SLC5A12: variants seen among roughly 807,000 people sequenced by gnomAD.
SLC5A12 encodes the protein solute carrier family 5 member 12, also known as sodium-coupled monocarboxylate transporter 2.
SLC5A12 carries 46 observed loss-of-function variants against 72.7 expected under a neutral mutation model. The observed-to-expected ratio is 0.63, with a 90% confidence interval of 0.50 to 0.81. The LOEUF (loss-of-function observed/expected upper bound fraction) is 0.81. Ranked by LOEUF, SLC5A12 falls within the 30% of genes least tolerant of loss-of-function variation. The pLI is 0.00. For missense variants in SLC5A12, 683 were observed against 740.7 expected, an observed-to-expected ratio of 0.92 and a Z score of 0.90; for synonymous variants, 275 against 264.4, an observed-to-expected ratio of 1.04 and a Z score of -0.39.
Position 26,711,711 on chromosome 11 carries a change from G to A in SLC5A12, c.406-353C>T, listed in dbSNP as rs563794675. 1.2e-4 allele frequency among the ~76,000 whole-genome samples: 18 copies of A among 152,048 alleles called. No homozygotes were observed. In the South Asian group the frequency reaches 3.7e-3, roughly 32 times the overall value. On this transcript the variant is annotated intron_variant, in intron 2 of 14. Transcript: ENST00000396005. ...CACGCGTCACAGTGAACTCTCTACC[G>A]ACTTCATGAGGAGCTTTACTAAGCA...
rs1275297905 is a variant in SLC5A12, at chr11:26,698,516, G to A, written c.841C>T (p.Leu281=). 6.2e-7 allele frequency: 1 copy of A among 1,613,954 alleles called. No individual in the cohort carries two copies. Among genetic ancestry groups the A allele is most frequent in the Non-Finnish European group, 8.5e-7 (1 of 1,179,930 alleles). The change falls in exon 7 of 15, where the codon CTG becomes TTG. Residue 281 remains leucine, a synonymous_variant. Coordinates refer to ENST00000396005, the MANE Select transcript of SLC5A12 (RefSeq NM_178498.4). ...HAKLALYFNL[L]GLWIILVCAV... is the part of the protein sequence containing the mutation. ...CACACCAGAATGATCCAGAGACCCAGCAAGTTAAAATACAAGGCACTAGAA... is the reference window on the plus strand; with the variant it reads ...CACACCAGAATGATCCAGAGACCCAACAAGTTAAAATACAAGGCACTAGAA...
chr11:26,696,362 G>A (rs1303707043), intron 8 of SLC5A12, among the ~76,000 whole-genome samples: 1 of 152,210 alleles, frequency 6.6e-6, no homozygotes, highest in Non-Finnish European at 1.5e-5. Context: ...GGGAATGGAA[G>A]TTATTAGCTG....
At chr11:26,713,270 C>T (rs145780279) in intron 1 of SLC5A12, among the ~76,000 whole-genome samples, 12 of 152,208 alleles carry the variant, frequency 7.9e-5, no homozygotes, top group African/African-American at 2.2e-4. Context: ...CTTCCATTGT[C>T]GGATCCACGC....
chr11:26,698,305 G>A (rs1854875030), intron 7 of SLC5A12, 101 bp downstream of exon 7: 21 of 1,433,422 alleles, frequency 1.5e-5, no homozygotes, highest in Non-Finnish European at 2.0e-5. Flanking sequence ...GAGAAATAGT[G>A]AGCAGTCCAG....
At position 26,678,818 on chromosome 11, in the gene SLC5A12, G is replaced by A. The variant is rs1291126848; in HGVS notation, c.1476-3C>T. The A allele has an allele frequency of 6.2e-7, 1 of 1,600,032 alleles. No individual in the cohort carries two copies. The highest frequency in any genetic ancestry group is 2.2e-5 in the East Asian group (1 of 44,736). The stretch of plus-strand genomic sequence containing the variant: ...ACCAGGTATCAGCTATTCCAGGTCT[G>A]TGGAGAACAGCACATGTCACCAATT... On this transcript the variant is annotated splice_region_variant and splice_polypyrimidine_tract_variant and intron_variant, in intron 12 of 14. Coordinates refer to ENST00000396005, the MANE Select transcript of SLC5A12 (RefSeq NM_178498.4).
At position 26,669,298 on chromosome 11, in the gene SLC5A12, A is replaced by G. The variant is rs146227021; in HGVS notation, c.*1804T>C. The G allele has an allele frequency of 2.5e-4, 37 of 149,082 alleles. No individual in the cohort carries two copies. In the East Asian group the frequency reaches 7.5e-3, roughly 30 times the overall value. 9.2% of individuals were successfully genotyped at this position (149,082 alleles called of 1,614,324 possible). A position where few individuals can be genotyped will look rare whatever the true frequency, so the allele number is the denominator to read the frequency against. On this transcript the variant is annotated 3_prime_UTR_variant, in exon 15 of 15. Coordinates refer to ENST00000396005, the MANE Select transcript of SLC5A12 (RefSeq NM_178498.4). ...CTAACTAGTTTTGGCTCAGATTTCA[A>G]TATTCACAAAATATATATTCTAATT... is the stretch of plus-strand genomic sequence containing the variant.
intron 1 of SLC5A12, among the ~76,000 whole-genome samples, chr11:26,717,117 T>C (rs1855368237): frequency 1.3e-5 from 2 of 152,078 alleles, no homozygotes; most frequent in African/African-American, 4.8e-5. Flanking sequence ...AAAATATAAA[T>C]ATAATTACTA....
At chr11:26,702,933 T>G (rs1163261554) in intron 6 of SLC5A12, among the ~76,000 whole-genome samples, 2 of 152,142 alleles carry the variant, frequency 1.3e-5, no homozygotes, top group African/African-American at 4.8e-5. Flanking sequence ...CTAAGAAATT[T>G]CCAATCGGAT....
rs770843090 is a variant in SLC5A12 at position 26,692,574 on chromosome 11, C to G, written c.1068G>C (p.Leu356Phe). The stretch of plus-strand genomic sequence containing the variant: ...CAAAATCCTCAAAGGTCACTGTTGC[C>G]AAGGCATTGATGCTGGAAGCCACGG... The part of the protein sequence containing the change: ...LSTVASSINA[L>F]ATVTFEDFVK... Residue 356 changes from leucine to phenylalanine, a missense_variant, in exon 9 of 15, where the codon TTG becomes TTC. By Grantham distance (22) the Leu-to-Phe change is conservative (BLOSUM62 0). Transcript: ENST00000396005. The G allele has an allele frequency of 6.2e-7, 1 of 1,613,916 alleles. No homozygotes were observed. Among genetic ancestry groups the G allele is most frequent in the South Asian group, 1.1e-5 (1 of 91,078 alleles).
chr11:26,720,539 T>C (rs1855454936), intron 1 of SLC5A12, among the ~76,000 whole-genome samples: 1 of 151,978 alleles, frequency 6.6e-6, no homozygotes, highest in African/African-American at 2.4e-5. Flanking sequence ...GCTAGAATAA[T>C]GTTTTATACT....
At position 26,683,958 on chromosome 11, in the gene SLC5A12, T is replaced by C; in HGVS notation, c.1222-115A>G. ...TTGGGTCCTAGTCCTGACTGTGCCA[T>C]TTGTTAATTATGTGCTTTCTATAAG... On this transcript the variant is annotated intron_variant, in intron 10 of 14. Coordinates refer to ENST00000396005, the MANE Select transcript of SLC5A12 (RefSeq NM_178498.4). The C allele has an allele frequency of 4.1e-6, 3 of 723,696 alleles. No individual in the cohort carries two copies. The South Asian group carries it at 5.0e-5, about 12-fold the overall frequency. The allele number at this position is 723,696 out of a possible 1,614,324, so 44.8% of individuals were successfully genotyped here.
intron 14 of SLC5A12, among the ~76,000 whole-genome samples, chr11:26,671,489 G>A (rs150428575): frequency 5.4e-4 from 82 of 152,126 alleles, no homozygotes; most frequent in Middle Eastern, 3.4e-3. Flanking sequence ...AGTATGTCTC[G>A]TGTTGCATGA....
Position 26,667,453 on chromosome 11 carries a change from G to T in SLC5A12, c.*3649C>A, listed in dbSNP as rs1854021613. The T allele has an allele frequency of 6.6e-6, 1 of 151,810 alleles. No homozygotes were observed. The highest frequency in any genetic ancestry group is 3.2e-3 in the Middle Eastern group (1 of 316). The allele number at this position is 151,810 out of a possible 1,614,324, so 9.4% of individuals were successfully genotyped here. Reference sequence around the variant, plus strand: ...TTTTTGTTTCTCTTTAGAATGAAATGGTGTAACCCTATAAAGCCACAAAAT... The same window carrying T: ...TTTTTGTTTCTCTTTAGAATGAAATTGTGTAACCCTATAAAGCCACAAAAT... On this transcript the variant is annotated 3_prime_UTR_variant, in exon 15 of 15. Transcript: ENST00000396005.
At position 26,669,187 on chromosome 11, in the gene SLC5A12, T is replaced by TCTTTCTTTCTTTCTTTC. The variant is rs1854073298; in HGVS notation, c.*1914_*1915insGAAAGAAAGAAAGAAAG. ...TGTCTTTTTCTTTCTTTCTTTCTTC[T>TCTTTCTTTCTTTCTTTC]TTTCTTTCTTTCTTTCTTTCTTTCT... On this transcript the variant is annotated 3_prime_UTR_variant, in exon 15 of 15. Coordinates refer to ENST00000396005, the MANE Select transcript of SLC5A12 (RefSeq NM_178498.4). 1.6e-4 allele frequency: 18 copies of TCTTTCTTTCTTTCTTTC among 110,942 alleles called. 1 individual carries two copies. In the Admixed American group the frequency reaches 1.7e-3, roughly 10 times the overall value. The allele number at this position is 110,942 out of a possible 1,614,324, so 6.9% of individuals were successfully genotyped here.
chr11:26,688,345 A>G (rs900436761), intron 9 of SLC5A12, among the ~76,000 whole-genome samples: 19 of 152,320 alleles, frequency 1.2e-4, no homozygotes, highest in Admixed American at 1.0e-3. Flanking sequence ...ACCTCAATCC[A>G]GAGTATCCAT....
At chr11:26,697,551 C>A (rs1316747591) in intron 7 of SLC5A12, among the ~76,000 whole-genome samples, 1 of 152,072 alleles carries the variant, frequency 6.6e-6, no homozygotes, top group African/African-American at 2.4e-5. Flanking sequence ...GCAGAGGAGC[C>A]CCTCTTTGAC....
In SLC5A12 at chr11:26,670,926, C is replaced by A; in HGVS notation, c.*176G>T. On this transcript the variant is annotated 3_prime_UTR_variant, in exon 15 of 15. Coordinates refer to ENST00000396005, the MANE Select transcript of SLC5A12 (RefSeq NM_178498.4). Reference sequence around the variant, plus strand: ...AAGTTGGAGTCTTTCAAAGAATATCCCGAGAGACAGTCATTTTGCATGTAG... The same window carrying A: ...AAGTTGGAGTCTTTCAAAGAATATCACGAGAGACAGTCATTTTGCATGTAG... 1.9e-6 allele frequency: 1 copy of A among 512,822 alleles called. No homozygotes were observed. The allele number at this position is 512,822 out of a possible 1,614,324, so 31.8% of individuals were successfully genotyped here.
At chr11:26,712,312 A>G (rs539959358) in intron 2 of SLC5A12, among the ~76,000 whole-genome samples, 2 of 152,224 alleles carry the variant, frequency 1.3e-5, no homozygotes, top group African/African-American at 4.8e-5. Flanking sequence ...AAACAAAAAC[A>G]AAAACAAAAA....
At position 26,686,460 on chromosome 11, in the gene SLC5A12, T is replaced by C. The variant is rs754495477; in HGVS notation, c.1221+17A>G. ...AGTTCCAGTGAAACCAAATGTGTCT[T>C]TTCCTTCTTTCGTTACCTGCACAAC... On this transcript the variant is annotated intron_variant, in intron 10 of 14. Transcript: ENST00000396005. The C allele has an allele frequency of 3.1e-6, 5 of 1,613,352 alleles. No individual in the cohort carries two copies. Among genetic ancestry groups the C allele is most frequent in the Non-Finnish European group, 4.2e-6 (5 of 1,179,396 alleles).
Sources: allele counts gnomAD v4.1 joint callset (sites outside exome capture counted in the v4.1 genomes callset), GRCh38; gene constraint gnomAD v4.1.1; transcripts MANE v1.5; gene names NCBI Gene and HGNC (gene_info 2026-07-23, HGNC 2026-07-21).